Variants in SLC6A12 observed in about 807,000 individuals in gnomAD.
SLC6A12 encodes the protein solute carrier family 6 member 12.
A neutral mutation model predicts 73.3 loss-of-function variants in SLC6A12; 50 were observed. The ratio of observed to expected loss-of-function variants is 0.68; its 90% CI spans 0.54 to 0.86. The LOEUF is 0.86. SLC6A12 is among the 40% of genes least tolerant of loss of function. SLC6A12 has a pLI of 0.00. For missense variants in SLC6A12, 648 were observed against 772.8 expected, an observed-to-expected ratio of 0.84 and a Z score of 1.92; for synonymous variants, 304 against 309.2, an observed-to-expected ratio of 0.98 and a Z score of 0.18.
At chr12:186,936 C>T (rs937688366), downstream of SLC6A12, among the ~76,000 whole-genome samples, 8 of 152,176 alleles carry the variant, frequency 5.3e-5, no homozygotes, top group Admixed American at 3.9e-4. Flanking sequence ...CAACCACTGC[C>T]CTCTGCTGTC....
rs1555106129 is a variant in SLC6A12 at position 197,138 on chromosome 12, C to CATCT, written c.1075+238_1075+239insAGAT. ...CCATCCATCCATCCATCCATCCATCCATCCATCCATCCATCCATCCATCCA... is the reference window on the plus strand; with the variant it reads ...CCATCCATCCATCCATCCATCCATCCATCTATCCATCCATCCATCCATCCATCCA... On this transcript the variant is annotated intron_variant, in intron 10 of 15. Coordinates refer to ENST00000684302, the MANE Select transcript of SLC6A12 (RefSeq NM_001122848.3). Among the ~76,000 whole-genome samples, 412 of 74,582 alleles carry CATCT rather than the reference C, an allele frequency of 5.5e-3. 4 individuals are homozygous for CATCT. Among genetic ancestry groups the CATCT allele is most frequent in the South Asian group, 0.014 (28 of 1,934 alleles). 48.9% of individuals were successfully genotyped at this position (74,582 alleles called of 152,430 possible). A position where few individuals can be genotyped will look rare whatever the true frequency, so the allele number is the denominator to read the frequency against.
At chr12:206,873 G>A (rs1043100353) in intron 3 of SLC6A12, among the ~76,000 whole-genome samples, 2 of 152,188 alleles carry the variant, frequency 1.3e-5, no homozygotes, top group South Asian at 2.1e-4. Context: ...TGTGGCCCAC[G>A]GGACTCCTTC....
At chr12:212,973 G>A (rs778227295) in intron 1 of SLC6A12, among the ~76,000 whole-genome samples, 50 of 152,152 alleles carry the variant, frequency 3.3e-4, no homozygotes, top group Admixed American at 8.5e-4. Flanking sequence ...CACCGGGCTT[G>A]GTGCTGCCCA....
rs138590912 is a variant in SLC6A12 at position 210,111 on chromosome 12, G to A, written c.-57-68C>T. ...CCCGCCAGCCCTGCTTTCCCATCCCGATCTCCGCTGTCAGCATATTGTTGT... is the reference window on the plus strand; with the variant it reads ...CCCGCCAGCCCTGCTTTCCCATCCCAATCTCCGCTGTCAGCATATTGTTGT... On this transcript the variant is annotated intron_variant, in intron 2 of 15. Coordinates refer to ENST00000684302, the MANE Select transcript of SLC6A12 (RefSeq NM_001122848.3). 7,715 of 1,456,740 alleles carry A rather than the reference G, an allele frequency of 5.3e-3. 96 individuals are homozygous for A. Among genetic ancestry groups the A allele is most frequent in the African/African-American group, 0.043 (3,033 of 71,064 alleles). The allele number at this position is 1,456,740 out of a possible 1,614,324, so 90.2% of individuals were successfully genotyped here. A position where few individuals can be genotyped will look rare whatever the true frequency, so the allele number is the denominator to read the frequency against.
At chr12:212,328 T>G (rs1454457204) in intron 1 of SLC6A12, among the ~76,000 whole-genome samples, 1 of 152,020 alleles carries the variant, frequency 6.6e-6, no homozygotes, top group Non-Finnish European at 1.5e-5. Context: ...ACCAAGGTGG[T>G]CTCAAGGGCT....
downstream of SLC6A12, among the ~76,000 whole-genome samples, chr12:186,286 A>G (rs188427907): frequency 6.6e-6 from 1 of 151,190 alleles, no homozygotes; most frequent in African/African-American, 2.4e-5. Flanking sequence ...TTGACCCAAC[A>G]GAGAGCCCAC....
intron 5 of SLC6A12, among the ~76,000 whole-genome samples, chr12:202,498 G>A (rs1377077244): frequency 6.6e-6 from 1 of 152,148 alleles, no homozygotes; most frequent in African/African-American, 2.4e-5. Context: ...ATGAGTAAGT[G>A]GCAATAACCC....
downstream of SLC6A12, among the ~76,000 whole-genome samples, chr12:187,508 G>A (rs1267224574): frequency 1.4e-5 from 2 of 145,498 alleles, no homozygotes; most frequent in Non-Finnish European, 3.0e-5. Context: ...TAAACCTGCA[G>A]ATTTTCCCAA....
intron 6 of SLC6A12, chr12:201,515 G>A (rs375467673): frequency 6.8e-5 from 34 of 497,720 alleles, no homozygotes; most frequent in East Asian, 1.9e-4. Flanking sequence ...GCAGACACAC[G>A]CATGGAGGTA....
At chr12:191,291 C>A in intron 15 of SLC6A12, 80 bp from the exon 16 acceptor site, 1 of 1,210,856 alleles carries the variant, frequency 8.3e-7, no homozygotes, top group South Asian at 4.2e-5. Flanking sequence ...ACCCCAGGGC[C>A]CAGCCCAGAG....
At chr12:185,254 G>A (rs1045857060), downstream of SLC6A12, among the ~76,000 whole-genome samples, 1 of 152,238 alleles carries the variant, frequency 6.6e-6, no homozygotes, top group African/African-American at 2.4e-5. Flanking sequence ...CCGCTGTCAT[G>A]GCTACCCTCT....
Position 209,906 on chromosome 12 carries a change from C to T in SLC6A12, c.81G>A (p.Gln27=). The stretch of plus-strand genomic sequence containing the variant: ...GATCCTTCACCTGGTCCTCGTCTTC[C>T]TGGTCCAACTTCTCTCCCTCCTCGG... The part of the protein sequence containing the change: ...WVPEEGEKLD[Q]EDEDQVKDRG... The change falls in exon 3 of 16, where the codon CAG becomes CAA. Residue 27 remains glutamine (Q), a synonymous_variant. Transcript: ENST00000684302. 1 of 1,614,224 alleles carries T rather than the reference C, an allele frequency of 6.2e-7. No homozygotes were observed. The highest frequency in any genetic ancestry group is 8.5e-7 in the Non-Finnish European group (1 of 1,180,046).
At chr12:195,510 G>A (rs1939821381) in intron 12 of SLC6A12, among the ~76,000 whole-genome samples, 183 bp from the exon 13 acceptor site, 1 of 152,182 alleles carries the variant, frequency 6.6e-6, no homozygotes, top group Non-Finnish European at 1.5e-5. Context: ...GTCAACATCA[G>A]GACAATAACC....
downstream of SLC6A12, among the ~76,000 whole-genome samples, chr12:187,343 T>C (rs773069861): frequency 2.0e-5 from 3 of 151,960 alleles, no homozygotes; most frequent in Non-Finnish European, 2.9e-5. Context: ...AACGTTCAGA[T>C]GTGTTCGGAG....
At chr12:187,803 T>C (rs1468402469), downstream of SLC6A12, among the ~76,000 whole-genome samples, 1 of 152,114 alleles carries the variant, frequency 6.6e-6, no homozygotes, top group South Asian at 2.1e-4. Context: ...TGGTCCGTTT[T>C]GACAGGGTTT....
At chr12:187,320 G>C (rs925291201), downstream of SLC6A12, among the ~76,000 whole-genome samples, 2 of 152,074 alleles carry the variant, frequency 1.3e-5, 1 homozygote, top group Non-Finnish European at 2.9e-5. Context: ...CGTGTCCGGA[G>C]TTTGTTCCTT....
chr12:185,626 GCCTTGGC>G, downstream of SLC6A12, among the ~76,000 whole-genome samples: 1 of 152,368 alleles, frequency 6.6e-6, no homozygotes, highest in Middle Eastern at 3.4e-3. Flanking sequence ...CAAGGACTCA[GCCTTGGC>G]AGGGAGCAAG....
chr12:195,246 C>A lies in SLC6A12; in HGVS notation c.1408G>T (p.Val470Phe), dbSNP rs747000926. The A allele has an allele frequency of 1.9e-6, 3 of 1,609,914 alleles. No individual in the cohort carries two copies. Residue 470 changes from valine (V) to phenylalanine (F), a missense_variant, in exon 13 of 16, where the codon GTC (valine) becomes TTC (phenylalanine). Val to Phe is a conservative substitution (Grantham distance 50). Coordinates refer to ENST00000684302, the MANE Select transcript of SLC6A12 (RefSeq NM_001122848.3). ...TCACCATACACCCAGCTTATGCAGA[C>A]CACTTCAAACAATGACAGGAACAGC... ...CLLFLSLFEV[V>F]CISWVYGADR...
chr12:196,300 G>A, intron 11 of SLC6A12, 39 bp from the exon 12 acceptor site: 1 of 1,589,348 alleles, frequency 6.3e-7, no homozygotes, highest in Non-Finnish European at 8.6e-7. Context: ...AGGGTGTGGG[G>A]CGGGCTGTTG....
Sources: gnomAD v4.1 joint callset for allele counts (sites outside exome capture counted in the v4.1 genomes callset) on GRCh38, gnomAD v4.1.1 for gene constraint, MANE v1.5 for transcripts, NCBI Gene and HGNC (gene_info 2026-07-23, HGNC 2026-07-21) for gene names.